The following NOTCH1 variants were observed in gnomAD, a reference collection of about 807,000 sequenced individuals.
NOTCH1 encodes neurogenic locus notch homolog protein 1.
A neutral mutation model predicts 254.8 loss-of-function variants in NOTCH1; 37 were observed. The ratio of observed to expected loss-of-function variants is 0.15; its 90% confidence interval spans 0.11 to 0.19. NOTCH1 has a LOEUF of 0.19. Among genes scored for constraint, NOTCH1 ranks in the 10% least tolerant of loss-of-function variants. NOTCH1 has a pLI of 1.00. For missense variants in NOTCH1, 2,972 were observed against 3,708.6 expected, an observed-to-expected ratio of 0.80 and a Z score of 5.16; for synonymous variants, 1,731 against 1,618.1, an observed-to-expected ratio of 1.07 and a Z score of -1.68.
chr9:136,523,462 G>C (rs1033236476), intron 3 of NOTCH1, among the ~76,000 whole-genome samples: 2 of 152,240 alleles, frequency 1.3e-5, no homozygotes, highest in Non-Finnish European at 2.9e-5. Context: ...CAGGAGGAAG[G>C]GGGCAGGGGC....
In NOTCH1 at chr9:136,545,914, T is replaced by G; in HGVS notation, c.-128A>C. The G allele has an allele frequency of 3.1e-6, 1 of 319,830 alleles. No individual in the cohort carries two copies. The highest frequency in any genetic ancestry group is 4.9e-6 in the Non-Finnish European group (1 of 205,228). 19.8% of individuals were successfully genotyped at this position (319,830 alleles called of 1,614,324 possible). A position where few individuals can be genotyped will look rare whatever the true frequency, so the allele number is the denominator to read the frequency against. ...ACGGTCCCGCCCTCTCTTCCCCGGC[T>G]GGCTGGCGGCGCTGTGCTCTCGCAG... On this transcript the variant is annotated 5_prime_UTR_variant, in exon 1 of 34. Transcript: ENST00000651671. This position sits in a 1 kb window ranked among gnomAD's most constrained non-coding sequence, Gnocchi z 6.8.
intron 19 of NOTCH1, 152 bp downstream of exon 19, chr9:136,508,718 G>T: frequency 1.3e-6 from 1 of 769,392 alleles, no homozygotes; most frequent in Non-Finnish European, 2.0e-6. Flanking sequence ...TTCCTTCACC[G>T]GCTGCTCAGA....
chr9:136,544,894 G>A (rs1334494041), intron 1 of NOTCH1, among the ~76,000 whole-genome samples: 1 of 151,540 alleles, frequency 6.6e-6, no homozygotes, highest in East Asian at 1.9e-4. Flanking sequence ...CATCTTACCG[G>A]GGCTGAGAAA....
At chr9:136,498,858 C>T (rs1842954767) in intron 33 of NOTCH1, 41 bp downstream of exon 33, 2 of 1,604,914 alleles carry the variant, frequency 1.2e-6, no homozygotes, top group African/African-American at 1.3e-5. Context: ...TCTGTGGATT[C>T]AGCCCTCACG....
chr9:136,530,272 C>T (rs570724255), intron 2 of NOTCH1, among the ~76,000 whole-genome samples: 3 of 152,374 alleles, frequency 2.0e-5, no homozygotes, highest in Admixed American at 6.5e-5. Context: ...CAGTTGCATC[C>T]TCGGATGGTT....
In NOTCH1 at chr9:136,545,616, A is replaced by G; in HGVS notation, c.61+110T>C. On this transcript the variant is annotated intron_variant, in intron 1 of 33. Coordinates refer to ENST00000651671, the MANE Select transcript of NOTCH1 (RefSeq NM_017617.5). This position sits in a 1 kb window ranked among gnomAD's most constrained non-coding sequence, Gnocchi z 6.8. ...CCGGGCCGCCCGCTTTTCCCTCTCC[A>G]TGCTGGCCTCCCCGCCGCCCGCTCC... 1 of 872,812 alleles carries G rather than the reference A, an allele frequency of 1.1e-6. No individual in the cohort carries two copies. The highest frequency in any genetic ancestry group is 1.6e-6 in the Non-Finnish European group (1 of 612,926). The allele number at this position is 872,812 out of a possible 1,614,324, so 54.1% of individuals were successfully genotyped here.
chr9:136,534,068 C>G (rs1245274190), intron 2 of NOTCH1, among the ~76,000 whole-genome samples: 1 of 152,244 alleles, frequency 6.6e-6, no homozygotes, highest in Non-Finnish European at 1.5e-5. Context: ...GGGCGACCGT[C>G]GGCTTCGTCC....
chr9:136,545,770 G>A lies in NOTCH1; in HGVS notation c.17C>T (p.Ala6Val), dbSNP rs758139292. MPPLL[A>V]PLLCLALLPA... ...CAGCAGCGCCAGGCAGAGCAGGGGC[G>A]CCAGGAGCGGCGGCATGCCTCCCCA... The change falls in exon 1 of 34, where the codon GCG becomes GTG. Residue 6 changes from alanine to valine, a missense_variant. By Grantham distance (64) the Ala-to-Val change is moderately conservative. Transcript: ENST00000651671. This position sits in a 1 kb window ranked among gnomAD's most constrained non-coding sequence, Gnocchi z 6.8. The A allele has an allele frequency of 8.0e-5, 109 of 1,359,860 alleles. 1 individual carries two copies. The East Asian group carries it at 9.3e-4, about 12-fold the overall frequency. The allele number at this position is 1,359,860 out of a possible 1,614,324, so 84.2% of individuals were successfully genotyped here.
At chr9:136,510,936 C>T in intron 16 of NOTCH1, 131 bp from the exon 17 acceptor site, 2 of 1,408,840 alleles carry the variant, frequency 1.4e-6, no homozygotes, top group Non-Finnish European at 2.0e-6. Context: ...GGACCATCCC[C>T]TCTCCCCTAA....
chr9:136,510,814 C>A lies in NOTCH1; in HGVS notation c.2588-9G>T, dbSNP rs757973986. 35 of 1,607,268 alleles carry A rather than the reference C, an allele frequency of 2.2e-5. No individual in the cohort carries two copies. Among genetic ancestry groups the A allele is most frequent in the Non-Finnish European group, 2.9e-5 (34 of 1,179,802 alleles). On this transcript the variant is annotated splice_polypyrimidine_tract_variant and intron_variant, in intron 16 of 33. Transcript: ENST00000651671. ...GACCTCACAGGTCTGCCCTGCGGGG[C>A]AGGAGGAGGCCGGTTGGTCACCAGC...
Position 136,496,767 on chromosome 9 carries a change from G to T in NOTCH1, c.6972C>A (p.Asn2324Lys). Reference sequence around the variant, plus strand: ...CTGGTGCCACACTCCCCCGCAGAGGGTTGTATTGGTTCGGCACCATGCCGC... The same window carrying T: ...CTGGTGCCACACTCCCCCGCAGAGGTTTGTATTGGTTCGGCACCATGCCGC... ...LQSGMVPNQY[N>K]PLRGSVAPGP... is the part of the protein sequence containing the mutation. The change falls in exon 34 of 34, where the codon AAC (asparagine) becomes AAA (lysine). Residue 2324 changes from asparagine to lysine, a missense_variant. Transcript: ENST00000651671. 6.2e-7 allele frequency: 1 copy of T among 1,612,872 alleles called. No homozygotes were observed.
intron 4 of NOTCH1, chr9:136,522,587 C>A: frequency 2.0e-6 from 1 of 505,232 alleles, no homozygotes; most frequent in South Asian, 3.2e-5. Flanking sequence ...GCAGGGCGTC[C>A]TACAGCTCGA....
In NOTCH1 at chr9:136,497,015, G is replaced by A. The variant is rs1589053091; in HGVS notation, c.6724C>T (p.Leu2242=). 3.1e-6 allele frequency: 5 copies of A among 1,609,782 alleles called. No individual in the cohort carries two copies. The highest frequency in any genetic ancestry group is 3.4e-6 in the Non-Finnish European group (4 of 1,178,566). Residue 2242 remains leucine (L), a synonymous_variant, in exon 34 of 34, where the codon CTG becomes TTG. Transcript: ENST00000651671. ...GCCACGTTCAGGTGCCCGATGCCCA[G>A]GTGGGTGTCGGGCATCCCAGGCAGG... ...NHLPGMPDTH[L]GIGHLNVAAK...
intron 10 of NOTCH1, 85 bp downstream of exon 10, chr9:136,515,896 G>C (rs1564198019): frequency 1.6e-6 from 2 of 1,254,146 alleles, no homozygotes; most frequent in East Asian, 2.5e-5. Context: ...CCCAGACCAA[G>C]GTGTCCATGA....
chr9:136,504,681 G>C lies in NOTCH1; in HGVS notation c.5010C>G (p.Asp1670Glu), dbSNP rs780348772. 2 of 1,517,240 alleles carry C rather than the reference G, an allele frequency of 1.3e-6. No homozygotes were observed. Among genetic ancestry groups the C allele is most frequent in the East Asian group, 2.5e-5 (1 of 40,486 alleles). 94.0% of individuals were successfully genotyped at this position (1,517,240 alleles called of 1,614,324 possible). A position where few individuals can be genotyped will look rare whatever the true frequency, so the allele number is the denominator to read the frequency against. Reference sequence around the variant, plus strand: ...CGCCGGGTCTCACTCACCCGCGGACGTCCATGGGGTCCAGCTCCCTCCGCC... The same window carrying C: ...CGCCGGGTCTCACTCACCCGCGGACCTCCATGGGGTCCAGCTCCCTCCGCC... Reference protein sequence around the residue: ...GRRRRELDPMDVRGSIVYLEI... With the variant: ...GRRRRELDPMEVRGSIVYLEI... Residue 1670 changes from aspartate (D) to glutamate (E), a missense_variant, in exon 26 of 34, where the codon GAC becomes GAG. Around this residue, in one of 8 missense-constraint regions of NOTCH1, gnomAD observed 1,343 missense variants for 1,557.0 expected, o/e 0.86. Coordinates refer to ENST00000651671, the MANE Select transcript of NOTCH1 (RefSeq NM_017617.5).
At chr9:136,544,838 CG>C (rs1052447337) in intron 1 of NOTCH1, among the ~76,000 whole-genome samples, 24 of 151,990 alleles carry the variant, frequency 1.6e-4, no homozygotes, top group African/African-American at 5.5e-4. Context: ...GGAAGGAATT[CG>C]ACCCCATCTC....
chr9:136,498,781 G>T, intron 33 of NOTCH1, 118 bp downstream of exon 33: 1 of 1,223,080 alleles, frequency 8.2e-7, no homozygotes, highest in Non-Finnish European at 1.2e-6. Flanking sequence ...TGCGGGCCCA[G>T]CGACCCTCGA....
intron 6 of NOTCH1, 120 bp from the exon 7 acceptor site, chr9:136,518,412 G>A: frequency 1.5e-6 from 2 of 1,376,304 alleles, no homozygotes; most frequent in Non-Finnish European, 2.0e-6. Context: ...ACCCCGTCGG[G>A]CATCCCGTGA....
intron 2 of NOTCH1, among the ~76,000 whole-genome samples, chr9:136,527,496 C>T (rs1323509262): frequency 2.6e-5 from 4 of 152,228 alleles, no homozygotes; most frequent in African/African-American, 7.2e-5. Flanking sequence ...ATGAGTGACC[C>T]GCACCCCACC....
Sources: allele counts gnomAD v4.1 joint callset (sites outside exome capture counted in the v4.1 genomes callset), GRCh38; gene constraint gnomAD v4.1.1; regional missense constraint gnomAD v4.1.1; non-coding constraint Gnocchi (gnomAD v3.1); transcripts MANE v1.5; gene names NCBI Gene and HGNC (gene_info 2026-07-23, HGNC 2026-07-21).